C12orf57: variants seen among roughly 807,000 people sequenced by gnomAD.
The protein encoded by C12orf57 is protein C10.
C12orf57 carries 14 observed loss-of-function variants against 11.3 expected under a neutral mutation model. The ratio of observed to expected loss-of-function variants is 1.24; its 90% confidence interval spans 0.82 to 1.94. The LOEUF is 1.94. C12orf57 is among the 30% of genes most tolerant of loss of function. The pLI, the probability that C12orf57 is intolerant of heterozygous loss-of-function variation, is 0.00. For missense variants in C12orf57, 229 were observed against 172.4 expected (o/e 1.33, Z -1.84); for synonymous variants, 100 against 74.6 (o/e 1.34, Z -1.76).
At chr12:6,943,976 G>C (rs782565940), upstream of C12orf57, 13 of 1,573,198 alleles carry the variant, frequency 8.3e-6, no homozygotes, top group Middle Eastern at 1.9e-4. Flanking sequence ...GGGGTATGAA[G>C]GTTTGGGCCA....
rs782008607 is a variant in C12orf57 at position 6,944,082 on chromosome 12, T to G, written c.-40T>G. On this transcript the variant is annotated 5_prime_UTR_variant, in exon 1 of 3. Coordinates refer to ENST00000229281, the MANE Select transcript of C12orf57 (RefSeq NM_138425.4). ...GGACGTGGCTCTTTATTCGTGAGTT[T>G]TCCATTTACCTCCGCTGAACCTAGA... The G allele has an allele frequency of 6.2e-7, 1 of 1,613,988 alleles. No homozygotes were observed. The highest frequency in any genetic ancestry group is 8.5e-7 in the Non-Finnish European group (1 of 1,179,940).
Position 6,944,062 on chromosome 12 carries a change from T to A in C12orf57, c.-60T>A. 1 of 1,613,318 alleles carries A rather than the reference T, an allele frequency of 6.2e-7. No homozygotes were observed. Among genetic ancestry groups the A allele is most frequent in the Non-Finnish European group, 8.5e-7 (1 of 1,179,876 alleles). Reference sequence around the variant, plus strand: ...GGGCGTTGGGAACGGTTGTAGGACGTGGCTCTTTATTCGTGAGTTTTCCAT... The same window carrying A: ...GGGCGTTGGGAACGGTTGTAGGACGAGGCTCTTTATTCGTGAGTTTTCCAT... On this transcript the variant is annotated 5_prime_UTR_variant, in exon 1 of 3. Transcript: ENST00000229281.
Position 6,944,609 on chromosome 12 carries a change from G to C in C12orf57, c.186G>C (p.Gln62His), listed in dbSNP as rs782533993. 1.2e-6 allele frequency: 2 copies of C among 1,614,156 alleles called. No homozygotes were observed. Among genetic ancestry groups the C allele is most frequent in the East Asian group, 2.2e-5 (1 of 44,888 alleles). The stretch of plus-strand genomic sequence containing the variant: ...TGCTGCCCGTGGCCACGCAGATCCA[G>C]CAGGAGGTTATCAAAGCCTATGGCT... ...QFVLPVATQIQQEVIKAYGFS... is the reference protein window; with the variant it reads ...QFVLPVATQIHQEVIKAYGFS... Residue 62 changes from glutamine to histidine, a missense_variant, in exon 2 of 3, where the codon CAG (glutamine) becomes CAC (histidine). Transcript: ENST00000229281.
upstream of C12orf57, chr12:6,943,916 T>G (rs1049369560): frequency 6.4e-6 from 8 of 1,243,444 alleles, no homozygotes; most frequent in African/African-American, 4.6e-5. Flanking sequence ...TTGTTTTCAC[T>G]GTGCAAAAAT....
intron 2 of C12orf57, 98 bp from the exon 3 acceptor site, chr12:6,945,673 A>G: frequency 1.5e-6 from 2 of 1,308,880 alleles, no homozygotes; most frequent in South Asian, 2.5e-5. Context: ...CTGCCCAGCC[A>G]GTGGGGGAGC....
chr12:6,943,713 G>C, upstream of C12orf57: 1 of 1,276,472 alleles, frequency 7.8e-7, no homozygotes, highest in Non-Finnish European at 1.0e-6. Context: ...CACATGCGTC[G>C]TTGTTTATAC....
At chr12:6,945,030 A>G (rs1945766120) in intron 2 of C12orf57, 3 of 435,026 alleles carry the variant, frequency 6.9e-6, no homozygotes, top group East Asian at 3.8e-5. Context: ...ATTTTATATA[A>G]TAGTCTGAAT....
At chr12:6,943,721 T>C, upstream of C12orf57, 2 of 1,271,676 alleles carry the variant, frequency 1.6e-6, no homozygotes, top group Non-Finnish European at 2.0e-6. Flanking sequence ...TCGTTGTTTA[T>C]ACAGTAATAG....
At position 6,945,833 on chromosome 12, in the gene C12orf57, C is replaced by A; in HGVS notation, c.292C>A (p.Leu98Met). 1 of 1,613,930 alleles carries A rather than the reference C, an allele frequency of 6.2e-7. No individual in the cohort carries two copies. Among genetic ancestry groups the A allele is most frequent in the African/African-American group, 1.3e-5 (1 of 75,032 alleles). Residue 98 changes from leucine to methionine, a missense_variant, in exon 3 of 3, where the codon CTG (leucine) becomes ATG (methionine). Leu to Met is a conservative substitution (Grantham distance 15, BLOSUM62 2). Transcript: ENST00000229281. ...AGCCCAGGATCCTGAGATCGCCAGC[C>A]TGTCAGGCAAGCTGAAGGCGCTGTT... ...YEAQDPEIAS[L>M]SGKLKALFLP...
chr12:6,943,921 A>G (rs782017296), upstream of C12orf57: 142 of 1,301,214 alleles, frequency 1.1e-4, no homozygotes, highest in Non-Finnish European at 1.4e-4. Flanking sequence ...TTCACTGTGC[A>G]AAAATTATGG....
At chr12:6,943,916 T>C (rs1049369560), upstream of C12orf57, 121 of 1,243,444 alleles carry the variant, frequency 9.7e-5, no homozygotes, top group Non-Finnish European at 1.1e-4. Flanking sequence ...TTGTTTTCAC[T>C]GTGCAAAAAT....
chr12:6,945,293 C>T (rs1305572637), intron 2 of C12orf57, among the ~76,000 whole-genome samples: 11 of 152,198 alleles, frequency 7.2e-5, no homozygotes, highest in Admixed American at 7.2e-4. Context: ...GCTGTTGTGC[C>T]ACCTTTTAGT....
Position 6,945,796 on chromosome 12 carries a change from C to G in C12orf57, c.255C>G (p.Val85=), listed in dbSNP as rs782376245. Residue 85 remains valine, a synonymous_variant, in exon 3 of 3, where the codon GTC becomes GTG. Coordinates refer to ENST00000229281, the MANE Select transcript of C12orf57 (RefSeq NM_138425.4). ...GTGTCCTTAAGTTTGCTCGCTTGGTCAAGTCCTACGAAGCCCAGGATCCTG... is the reference window on the plus strand; with the variant it reads ...GTGTCCTTAAGTTTGCTCGCTTGGTGAAGTCCTACGAAGCCCAGGATCCTG... ...GEGVLKFARL[V]KSYEAQDPEI... 4.3e-6 allele frequency: 7 copies of G among 1,613,658 alleles called. No individual in the cohort carries two copies. The highest frequency in any genetic ancestry group is 5.9e-6 in the Non-Finnish European group (7 of 1,179,908).
upstream of C12orf57, chr12:6,943,850 G>T (rs1055698058): frequency 4.5e-6 from 4 of 895,912 alleles, no homozygotes; most frequent in African/African-American, 1.7e-5. Context: ...TGTCTAGTAG[G>T]CTTTCTGGCT....
chr12:6,944,693 G>A (rs782404039), intron 2 of C12orf57, 41 bp downstream of exon 2: 73 of 1,601,670 alleles, frequency 4.6e-5, no homozygotes, highest in Non-Finnish European at 5.7e-5. Context: ...GCGGGAAGGC[G>A]GGAGTTGGGT....
chr12:6,945,029 A>G, intron 2 of C12orf57: 1 of 438,918 alleles, frequency 2.3e-6, no homozygotes. Flanking sequence ...AATTTTATAT[A>G]ATAGTCTGAA....
chr12:6,944,642 C>T lies in C12orf57; in HGVS notation c.219C>T (p.Cys73=), dbSNP rs1945749019. 1 of 1,611,778 alleles carries T rather than the reference C, an allele frequency of 6.2e-7. No individual in the cohort carries two copies. The highest frequency in any genetic ancestry group is 1.3e-5 in the African/African-American group (1 of 74,880). Residue 73 remains cysteine, a synonymous_variant, in exon 2 of 3, where the codon TGC becomes TGT. Transcript: ENST00000229281. The part of the protein sequence containing the change: ...QEVIKAYGFS[C]DGEGVLKFAR... ...TTATCAAAGCCTATGGCTTCAGCTG[C>T]GACGGGGAAGGTGGGTCAGACGCGG...
upstream of C12orf57, chr12:6,943,636 C>T: frequency 1.6e-6 from 2 of 1,288,854 alleles, no homozygotes; most frequent in Non-Finnish European, 2.0e-6. Context: ...AACAAATGTT[C>T]GCGAACTCTA....
upstream of C12orf57, chr12:6,943,703 C>G (rs1267031798): frequency 2.3e-5 from 30 of 1,279,428 alleles, no homozygotes; most frequent in Non-Finnish European, 2.9e-5. Flanking sequence ...TGAAAGTTAC[C>G]ACATGCGTCG....
Sources: allele counts gnomAD v4.1 joint callset (sites outside exome capture counted in the v4.1 genomes callset), GRCh38; gene constraint gnomAD v4.1.1; transcripts MANE v1.5; gene names NCBI Gene and HGNC (gene_info 2026-07-23, HGNC 2026-07-21).